The following CAST variants were observed in gnomAD, a reference collection of about 807,000 sequenced individuals.
CAST encodes MIR583 host.
Under a neutral mutation model 119.6 loss-of-function variants are expected in CAST, and 76 were observed. That is an observed-to-expected ratio of 0.64 (90% confidence interval 0.53 to 0.77). The LOEUF (loss-of-function observed/expected upper bound fraction) is 0.77. Ranked by LOEUF, CAST falls within the 30% of genes least tolerant of loss-of-function variation. The pLI, the probability that CAST is intolerant of heterozygous loss-of-function variation, is 0.00. For missense variants in CAST, 953 were observed against 946.5 expected (o/e 1.01, Z -0.09); for synonymous variants, 319 against 331.6 (o/e 0.96, Z 0.41).
chr5:96,667,048 AGGC>A (rs1179758281), intron 1 of CAST, among the ~76,000 whole-genome samples: 2 of 152,160 alleles, frequency 1.3e-5, no homozygotes, highest in African/African-American at 4.8e-5. Flanking sequence ...GCCACCATAA[AGGC>A]GGGGGGCAGG....
chr5:96,060,628 G>A, the CAST span, among the ~76,000 whole-genome samples: 1 of 152,080 alleles, frequency 6.6e-6, no homozygotes, highest in Non-Finnish European at 1.5e-5. Flanking sequence ...ACCCATCTCT[G>A]AGTAGGGCCC....
chr5:96,254,055 T>A, the CAST span, among the ~76,000 whole-genome samples: 1 of 152,112 alleles, frequency 6.6e-6, no homozygotes, highest in African/African-American at 2.4e-5. Flanking sequence ...CAGTAAACTG[T>A]TGCTGTGAAC....
intron 16 of CAST, among the ~76,000 whole-genome samples, chr5:96,745,752 A>G (rs1420738684): frequency 6.6e-6 from 1 of 152,226 alleles, no homozygotes; most frequent in African/African-American, 2.4e-5. Flanking sequence ...TCCTGGCATT[A>G]TTGAAGAGAG....
the CAST span, among the ~76,000 whole-genome samples, chr5:96,128,159 T>A: frequency 6.6e-6 from 1 of 152,144 alleles, no homozygotes. Flanking sequence ...AGATTTTTAG[T>A]GGCATGCCCT....
At chr5:96,460,480 C>A in the CAST span, among the ~76,000 whole-genome samples, 26,804 of 151,548 alleles carry the variant, frequency 0.18, 2,667 homozygotes, top group Middle Eastern at 0.26. Context: ...AACCACCATG[C>A]ACATGTATAC....
chr5:96,167,924 A>T, the CAST span, among the ~76,000 whole-genome samples: 2 of 152,180 alleles, frequency 1.3e-5, no homozygotes, highest in African/African-American at 4.8e-5. Context: ...GAGGAGTAGT[A>T]GAATAGCAGA....
chr5:96,383,075 A>G, the CAST span, among the ~76,000 whole-genome samples: 1 of 152,172 alleles, frequency 6.6e-6, no homozygotes, highest in Non-Finnish European at 1.5e-5. Flanking sequence ...CCGTTCGGGG[A>G]GACAGCTATA....
chr5:96,304,252 G>A, the CAST span, among the ~76,000 whole-genome samples: 1 of 152,332 alleles, frequency 6.6e-6, no homozygotes, highest in East Asian at 1.9e-4. Context: ...GTCTTCTTTT[G>A]AGATGTGTCT....
chr5:96,432,567 T>G, the CAST span, among the ~76,000 whole-genome samples: 1 of 152,016 alleles, frequency 6.6e-6, no homozygotes, highest in Non-Finnish European at 1.5e-5. Context: ...CGTGGAGGGA[T>G]TTTTCTTCCA....
chr5:96,656,772 A>G (rs1441272054), intron 1 of CAST, among the ~76,000 whole-genome samples: 2 of 152,142 alleles, frequency 1.3e-5, no homozygotes, highest in Admixed American at 6.5e-5. Flanking sequence ...TCTACTCCAA[A>G]GGAGGAACAG....
chr5:96,693,284 G>A (rs79942623), intron 2 of CAST, among the ~76,000 whole-genome samples: 140 of 152,224 alleles, frequency 9.2e-4, no homozygotes, highest in African/African-American at 3.2e-3. Context: ...AAAACATTTC[G>A]TTTATTAGTA....
the CAST span, among the ~76,000 whole-genome samples, chr5:95,983,572 C>T: frequency 2.6e-5 from 4 of 152,124 alleles, no homozygotes; most frequent in South Asian, 6.2e-4. Flanking sequence ...TTAAAATACG[C>T]CATCAAATAT....
chr5:96,307,106 A>G, the CAST span, among the ~76,000 whole-genome samples: 2 of 152,216 alleles, frequency 1.3e-5, no homozygotes, highest in Non-Finnish European at 2.9e-5. Context: ...TAGGTCTTTT[A>G]GAAGTTGCTT....
At chr5:96,247,511 A>T in the CAST span, among the ~76,000 whole-genome samples, 1 of 152,260 alleles carries the variant, frequency 6.6e-6, no homozygotes, top group South Asian at 2.1e-4. Context: ...GTGTCAGCAG[A>T]TTGACGTGTA....
At chr5:96,711,144 A>T (rs990596607) in intron 3 of CAST, among the ~76,000 whole-genome samples, 1 of 152,212 alleles carries the variant, frequency 6.6e-6, no homozygotes, top group South Asian at 2.1e-4. Flanking sequence ...ACTGATCTCC[A>T]TATTTTCAAT....
chr5:96,091,429 TTCTGACC>T, the CAST span, among the ~76,000 whole-genome samples: 2 of 151,852 alleles, frequency 1.3e-5, no homozygotes, highest in Non-Finnish European at 2.9e-5. Context: ...GATCTTGAAC[TTCTGACC>T]TCTGGTGATC....
intron 1 of CAST, among the ~76,000 whole-genome samples, chr5:96,592,219 G>T (rs1227139434): frequency 6.6e-6 from 1 of 152,004 alleles, no homozygotes; most frequent in Non-Finnish European, 1.5e-5. Flanking sequence ...CTCTAGCAGA[G>T]ACCACCCTGT....
At chr5:96,594,662 T>C (rs1023581183) in intron 1 of CAST, among the ~76,000 whole-genome samples, 1 of 152,252 alleles carries the variant, frequency 6.6e-6, no homozygotes, top group African/African-American at 2.4e-5. Flanking sequence ...GTACTGCTTA[T>C]GTCACCTTTT....
At chr5:95,990,378 A>G in the CAST span, among the ~76,000 whole-genome samples, 4 of 152,238 alleles carry the variant, frequency 2.6e-5, 1 homozygote, top group African/African-American at 9.6e-5. Context: ...TCAATAAAGT[A>G]TAGGGGCAAA....
Sources: gnomAD v4.1 joint callset for allele counts (sites outside exome capture counted in the v4.1 genomes callset) on GRCh38, gnomAD v4.1.1 for gene constraint, MANE v1.5 for transcripts, NCBI Gene and HGNC (gene_info 2026-07-23, HGNC 2026-07-21) for gene names.